Variants in UST observed in about 807,000 individuals in gnomAD.
UST encodes the protein chondroitin sulfate 2-O-sulfotransferase.
Under a neutral mutation model 45.6 loss-of-function variants are expected in UST, and 21 were observed. The observed-to-expected ratio is 0.46, with a 90% CI of 0.33 to 0.66. UST has a LOEUF of 0.66. Ranked by LOEUF, UST falls within the 30% of genes least tolerant of loss-of-function variation. UST has a pLI of 0.02. For missense variants in UST, 463 were observed against 512.4 expected, an observed-to-expected ratio of 0.90 and a Z score of 0.93; for synonymous variants, 215 against 200.6, an observed-to-expected ratio of 1.07 and a Z score of -0.61.
At chr6:149,061,007 G>A (rs114215651) in intron 7 of UST, among the ~76,000 whole-genome samples, 1 of 152,140 alleles carries the variant, frequency 6.6e-6, no homozygotes, top group South Asian at 2.1e-4. Flanking sequence ...AGGGAAGAGG[G>A]CTCTGGTCAG....
In UST at chr6:148,953,581, G is replaced by A. The variant is rs192478643; in HGVS notation, c.448-291G>A. On this transcript the variant is annotated intron_variant, in intron 3 of 7. Transcript: ENST00000367463. ...GCGGATCACGAGGTCAGAAGTTCGAGACCACGGTGAAACCCTGTCTCTACT... is the reference window on the plus strand; with the variant it reads ...GCGGATCACGAGGTCAGAAGTTCGAAACCACGGTGAAACCCTGTCTCTACT... 3.4e-3 allele frequency among the ~76,000 whole-genome samples: 524 copies of A among 152,148 alleles called. 2 individuals carry two copies. The highest frequency in any genetic ancestry group is 0.012 in the African/African-American group (503 of 41,516).
intron 2 of UST, among the ~76,000 whole-genome samples, chr6:148,939,541 A>G (rs1412860872): frequency 6.6e-6 from 1 of 152,210 alleles, no homozygotes; most frequent in South Asian, 2.1e-4. Flanking sequence ...ATCCAGAAAT[A>G]ATAATGACCC....
In UST at chr6:148,754,897, A is replaced by C. The variant is rs569563456; in HGVS notation, c.247+7220A>C. Among the ~76,000 whole-genome samples, 3 of 152,362 alleles carry C rather than the reference A, an allele frequency of 2.0e-5. No homozygotes were observed. The East Asian group carries it at 5.8e-4, about 29-fold the overall frequency. On this transcript the variant is annotated intron_variant, in intron 1 of 7. Transcript: ENST00000367463. ...GATTGAAAACAAGGATCTGTTCTAA[A>C]GAATCCTGGGGGTCTTGTTTTACAG...
chr6:148,812,987 T>C (rs748033614), intron 1 of UST, among the ~76,000 whole-genome samples: 2 of 152,242 alleles, frequency 1.3e-5, no homozygotes, highest in Non-Finnish European at 2.9e-5. Flanking sequence ...TGCAGAATTA[T>C]CGGATCATAC....
intron 1 of UST, among the ~76,000 whole-genome samples, chr6:148,784,133 A>G (rs1318481127): frequency 6.6e-6 from 1 of 152,212 alleles, no homozygotes; most frequent in African/African-American, 2.4e-5. Context: ...TATGAAAGAA[A>G]CTGTAATCCA....
At chr6:148,793,139 T>C (rs565294822) in intron 1 of UST, among the ~76,000 whole-genome samples, 3 of 152,336 alleles carry the variant, frequency 2.0e-5, no homozygotes, top group East Asian at 3.9e-4. Flanking sequence ...ATTATAGTGA[T>C]GGGGAATGAT....
chr6:149,043,013 T>TGC (rs1776342486), intron 7 of UST, among the ~76,000 whole-genome samples: 2 of 83,920 alleles, frequency 2.4e-5, no homozygotes, highest in Admixed American at 9.3e-5. Context: ...CTTTCTTTCT[T>TGC]TCTTTCTTTT....
intron 1 of UST, among the ~76,000 whole-genome samples, chr6:148,867,327 C>CAT (rs1346630009): frequency 1.7e-4 from 16 of 92,842 alleles, no homozygotes; most frequent in African/African-American, 7.1e-4. Flanking sequence ...CACACACACA[C>CAT]ATATATATGT....
chr6:148,828,284 C>T (rs1162203062), intron 1 of UST, among the ~76,000 whole-genome samples: 1 of 151,068 alleles, frequency 6.6e-6, no homozygotes, highest in Non-Finnish European at 1.5e-5. Flanking sequence ...TAATTGTGCT[C>T]TTTCACTGGT....
chr6:148,848,666 T>C (rs534280645), intron 1 of UST, among the ~76,000 whole-genome samples: 25 of 132,786 alleles, frequency 1.9e-4, no homozygotes, highest in Admixed American at 3.1e-4. Flanking sequence ...TGAGACTCCA[T>C]CTCAAAAAAA....
At chr6:148,867,882 G>C (rs887579011) in intron 1 of UST, among the ~76,000 whole-genome samples, 1 of 152,192 alleles carries the variant, frequency 6.6e-6, no homozygotes, top group Non-Finnish European at 1.5e-5. Context: ...TGAGCAGTTT[G>C]CTGTGCTTGT....
At chr6:148,882,450 C>T (rs1217100189) in intron 1 of UST, among the ~76,000 whole-genome samples, 1 of 137,942 alleles carries the variant, frequency 7.2e-6, no homozygotes, top group Non-Finnish European at 1.5e-5. Flanking sequence ...TGCGCCGTTG[C>T]ACTCCAGCCC....
Position 148,897,768 on chromosome 6 carries a change from G to A in UST, c.291+10739G>A, listed in dbSNP as rs144105072. Among the ~76,000 whole-genome samples, 150 of 152,208 alleles carry A rather than the reference G, an allele frequency of 9.9e-4. 3 individuals are homozygous for A. The East Asian group carries it at 0.026, about 26-fold the overall frequency. Reference sequence around the variant, plus strand: ...GGCCTCCCAAAGTGTTGGGATTATAGGCATGAGCCACTGCAACTGGCTTCT... The same window carrying A: ...GGCCTCCCAAAGTGTTGGGATTATAAGCATGAGCCACTGCAACTGGCTTCT... On this transcript the variant is annotated intron_variant, in intron 2 of 7. Coordinates refer to ENST00000367463, the MANE Select transcript of UST (RefSeq NM_005715.3).
chr6:148,753,035 C>T (rs960355559), intron 1 of UST, among the ~76,000 whole-genome samples: 3 of 152,144 alleles, frequency 2.0e-5, no homozygotes, highest in African/African-American at 7.2e-5. Flanking sequence ...TAACATTTCA[C>T]AAAAATTCTT....
chr6:149,056,117 CTTTTTTTTTTTTT>C (rs34191810), intron 7 of UST, among the ~76,000 whole-genome samples: 5 of 81,088 alleles, frequency 6.2e-5, no homozygotes, highest in Non-Finnish European at 1.2e-4. Context: ...CTTTTCTTTT[CTTTTTTTTTTTTT>C]TTTTTTTTTT....
At position 148,951,948 on chromosome 6, in the gene UST, T is replaced by C. The variant is rs1022684229; in HGVS notation, c.448-1924T>C. ...CTATTCTTCCATTAAATTTAACACATTGACATGTGTTTAGAGAATATAATT... is the reference window on the plus strand; with the variant it reads ...CTATTCTTCCATTAAATTTAACACACTGACATGTGTTTAGAGAATATAATT... On this transcript the variant is annotated intron_variant, in intron 3 of 7. Transcript: ENST00000367463. Among the ~76,000 whole-genome samples, 4 of 152,356 alleles carry C rather than the reference T, an allele frequency of 2.6e-5. 1 individual carries two copies. The East Asian group carries it at 5.8e-4, about 22-fold the overall frequency.
chr6:149,028,777 A>T (rs961604395), intron 7 of UST, among the ~76,000 whole-genome samples: 8 of 152,228 alleles, frequency 5.3e-5, no homozygotes, highest in African/African-American at 1.9e-4. Context: ...TAGGGAGCTA[A>T]GACTTTTCAC....
At chr6:148,750,862 G>A (rs569413808) in intron 1 of UST, among the ~76,000 whole-genome samples, 153 of 152,326 alleles carry the variant, frequency 1.0e-3, no homozygotes, top group African/African-American at 3.2e-3. Context: ...AGTAATGTTG[G>A]TCGGACTCGC....
chr6:149,007,510 G>A (rs191086183), intron 5 of UST, among the ~76,000 whole-genome samples: 9 of 145,948 alleles, frequency 6.2e-5, no homozygotes, highest in South Asian at 4.3e-4. Context: ...CCATGGTCTC[G>A]ATCTCCTGAC....
Sources: allele counts gnomAD v4.1 joint callset (sites outside exome capture counted in the v4.1 genomes callset), GRCh38; gene constraint gnomAD v4.1.1; transcripts MANE v1.5; gene names NCBI Gene and HGNC (gene_info 2026-07-23, HGNC 2026-07-21).